The following HERC2 variants were observed in gnomAD, a reference collection of about 807,000 sequenced individuals.
HERC2 encodes HECT and RLD domain containing E3 ubiquitin protein ligase 2.
Under a neutral mutation model 537.7 loss-of-function variants are expected in HERC2, and 102 were observed. The ratio of observed to expected loss-of-function variants is 0.19; its 90% CI spans 0.16 to 0.22. The LOEUF is 0.22. HERC2 is among the 10% of genes least tolerant of loss of function. The pLI is 1.00. For synonymous variants in HERC2, 2,224 were observed against 2,466.2 expected, an observed-to-expected ratio of 0.90 and a Z score of 2.91; for missense variants, 4,236 against 6,198.2, an observed-to-expected ratio of 0.68 and a Z score of 10.63.
In HERC2 at chr15:28,255,999, G is replaced by T. The variant is rs200632307; in HGVS notation, c.2747-3C>A. 1.4e-3 allele frequency: 2,205 copies of T among 1,605,684 alleles called. 2 individuals are homozygous for T. Among genetic ancestry groups the T allele is most frequent in the Admixed American group, 1.8e-3 (111 of 60,016 alleles). On this transcript the variant is annotated splice_region_variant and splice_polypyrimidine_tract_variant and intron_variant, in intron 18 of 92. Transcript: ENST00000261609. Reference sequence around the variant, plus strand: ...TATGTTCACTTCATTGCCTGAAACTGAAATAGAAAGTGTGTGCCAATTTGA... The same window carrying T: ...TATGTTCACTTCATTGCCTGAAACTTAAATAGAAAGTGTGTGCCAATTTGA...
intron 31 of HERC2, 146 bp from the exon 32 acceptor site, chr15:28,229,993 A>C: frequency 2.9e-6 from 2 of 693,530 alleles, no homozygotes; most frequent in Non-Finnish European, 5.1e-6. Context: ...ACTATGCTAT[A>C]AATATACTTA....
At chr15:28,303,743 T>G (rs2076698942) in intron 2 of HERC2, among the ~76,000 whole-genome samples, 1 of 152,226 alleles carries the variant, frequency 6.6e-6, no homozygotes, top group Non-Finnish European at 1.5e-5. Flanking sequence ...TGTTTTACAG[T>G]TTTCGTGGTA....
chr15:28,224,166 C>CACACACAGAGAG lies in HERC2; in HGVS notation c.5465-1952_5465-1951insCTCTCTGTGTGT, dbSNP rs748053596. On this transcript the variant is annotated intron_variant, in intron 35 of 92. Coordinates refer to ENST00000261609, the MANE Select transcript of HERC2 (RefSeq NM_004667.6). ...ACACACACCCACACACACACACACA[C>CACACACAGAGAG]AGAGAGAGAGAGAAACAGACAGACA... is the stretch of plus-strand genomic sequence containing the variant. 2.5e-3 allele frequency among the ~76,000 whole-genome samples: 365 copies of CACACACAGAGAG among 147,732 alleles called. 4 individuals are homozygous for CACACACAGAGAG. Among genetic ancestry groups the CACACACAGAGAG allele is most frequent in the African/African-American group, 9.0e-3 (349 of 38,820 alleles).
At chr15:28,172,423 C>T (rs1385318697) in intron 65 of HERC2, among the ~76,000 whole-genome samples, 1 of 152,162 alleles carries the variant, frequency 6.6e-6, no homozygotes, top group Non-Finnish European at 1.5e-5. Context: ...CCACCAAAAT[C>T]CACAAATAAA....
chr15:28,212,371 T>C (rs1899345640), intron 43 of HERC2, 74 bp downstream of exon 43: 3 of 992,822 alleles, frequency 3.0e-6, no homozygotes, highest in Non-Finnish European at 4.7e-6. Flanking sequence ...GTGAATTCAC[T>C]CATAAAAGAA....
intron 52 of HERC2, among the ~76,000 whole-genome samples, chr15:28,194,385 A>T (rs1897147586): frequency 6.8e-6 from 1 of 147,798 alleles, no homozygotes; most frequent in Non-Finnish European, 1.5e-5. Flanking sequence ...CCTGGCTAAC[A>T]CGGTGAAACC....
chr15:28,204,989 G>C (rs1166593633), intron 45 of HERC2, among the ~76,000 whole-genome samples: 1 of 152,030 alleles, frequency 6.6e-6, no homozygotes, highest in Non-Finnish European at 1.5e-5. Flanking sequence ...TCAAGCCAAA[G>C]ATGCAAGCAG....
At chr15:28,186,969 TG>T (rs1362803543) in intron 55 of HERC2, among the ~76,000 whole-genome samples, 1 of 152,210 alleles carries the variant, frequency 6.6e-6, no homozygotes, top group African/African-American at 2.4e-5. Flanking sequence ...GATGTCTACC[TG>T]AGGCATGAGA....
rs558341357 is a variant in HERC2 at position 28,186,623 on chromosome 15, C to A, written c.8779G>T (p.Ala2927Ser). Residue 2927 changes from alanine (A) to serine (S), a missense_variant, in exon 56 of 93, where the codon GCT becomes TCT. Coordinates refer to ENST00000261609, the MANE Select transcript of HERC2 (RefSeq NM_004667.6). ...TCCTCCTCCTCTTCATTATCCGAAG[C>A]TAAGAAAGGAACTGCAGCCAAATCT... is the stretch of plus-strand genomic sequence containing the variant. ...EEDLAAVPFL[A>S]SDNEEEEDEK... is the part of the protein sequence containing the mutation. 1 of 1,614,154 alleles carries A rather than the reference C, an allele frequency of 6.2e-7. No homozygotes were observed. The highest frequency in any genetic ancestry group is 1.3e-5 in the African/African-American group (1 of 75,060).
chr15:28,253,863 G>A (rs1361004852), intron 20 of HERC2, among the ~76,000 whole-genome samples: 7 of 152,306 alleles, frequency 4.6e-5, no homozygotes, highest in African/African-American at 1.7e-4. Context: ...TTGGGAGGCT[G>A]AGGCAGGAGA....
chr15:28,138,287 T>C (rs578236989), intron 78 of HERC2, among the ~76,000 whole-genome samples: 44 of 152,274 alleles, frequency 2.9e-4, no homozygotes, highest in Admixed American at 5.2e-4. Flanking sequence ...TCAACGTAGA[T>C]GGAACAACCG....
chr15:28,147,643 TCA>T (rs61147405), intron 70 of HERC2, among the ~76,000 whole-genome samples: 31,821 of 151,746 alleles, frequency 0.21, 6,452 homozygotes, highest in African/African-American at 0.51. Flanking sequence ...TTTCTGAATC[TCA>T]CACCTCATTC....
chr15:28,260,365 T>C (rs2075385956), intron 16 of HERC2, among the ~76,000 whole-genome samples: 1 of 152,180 alleles, frequency 6.6e-6, no homozygotes. Context: ...AGACACTCCC[T>C]TAATCTGATA....
In HERC2 at chr15:28,177,136, A is replaced by C. The variant is rs1895363659; in HGVS notation, c.9255-9T>G. On this transcript the variant is annotated splice_polypyrimidine_tract_variant and intron_variant, in intron 60 of 92. Coordinates refer to ENST00000261609, the MANE Select transcript of HERC2 (RefSeq NM_004667.6). This position sits in a 1 kb window ranked among gnomAD's most constrained non-coding sequence, Gnocchi z 5.0. ...TTGGTTTGTCACAGTTCCTACAACAAGATGAAATCAGCTCTCTACAGTCAA... is the reference window on the plus strand; with the variant it reads ...TTGGTTTGTCACAGTTCCTACAACACGATGAAATCAGCTCTCTACAGTCAA... 1.0e-5 allele frequency: 16 copies of C among 1,606,572 alleles called. No individual in the cohort carries two copies. Among genetic ancestry groups the C allele is most frequent in the Non-Finnish European group, 1.3e-5 (15 of 1,174,654 alleles).
chr15:28,301,723 T>TTGTA (rs1161405060), intron 2 of HERC2, among the ~76,000 whole-genome samples: 1 of 78,094 alleles, frequency 1.3e-5, no homozygotes. Flanking sequence ...TACACACTAG[T>TTGTA]TGTATGTATG....
Position 28,238,654 on chromosome 15 carries a change from C to T in HERC2, c.3696G>A (p.Val1232=). 3 of 1,611,536 alleles carry T rather than the reference C, an allele frequency of 1.9e-6. No homozygotes were observed. Among genetic ancestry groups the T allele is most frequent in the Non-Finnish European group, 1.7e-6 (2 of 1,179,478 alleles). The change falls in exon 24 of 93, where the codon GTG becomes GTA. Residue 1232 remains valine, a synonymous_variant. Transcript: ENST00000261609. ...GGFWTVIDGK[V]YDIKDFQTQS... ...GTGTCTGGAAGTCCTTTATATCATA[C>T]ACCTTCCCGTCAATCACAGTCCAGA... is the stretch of plus-strand genomic sequence containing the variant.
At chr15:28,173,899 G>C (rs562311860) in intron 65 of HERC2, among the ~76,000 whole-genome samples, 7 of 151,926 alleles carry the variant, frequency 4.6e-5, no homozygotes, top group African/African-American at 1.5e-4. Context: ...AGGAAGGAGG[G>C]AGTTAAAAGC....
intron 83 of HERC2, among the ~76,000 whole-genome samples, chr15:28,128,205 G>C (rs1188211144): frequency 6.6e-6 from 1 of 152,232 alleles, no homozygotes; most frequent in Non-Finnish European, 1.5e-5. Context: ...CACTGAGAGA[G>C]TGTCACAGGA....
chr15:28,159,884 T>C (rs1893399442), intron 69 of HERC2, among the ~76,000 whole-genome samples: 1 of 152,232 alleles, frequency 6.6e-6, no homozygotes, highest in African/African-American at 2.4e-5. Context: ...TGGTCTTTGA[T>C]GATGGTGATG....
Sources: allele counts gnomAD v4.1 joint callset (sites outside exome capture counted in the v4.1 genomes callset), GRCh38; gene constraint gnomAD v4.1.1; non-coding constraint Gnocchi (gnomAD v3.1); transcripts MANE v1.5; gene names NCBI Gene and HGNC (gene_info 2026-07-23, HGNC 2026-07-21).